The following TMPRSS3 variants were observed in gnomAD, a reference collection of about 807,000 sequenced individuals.
The protein encoded by TMPRSS3 is transmembrane serine protease 3.
TMPRSS3 carries 55 observed loss-of-function variants against 59.6 expected under a neutral mutation model. The ratio of observed to expected loss-of-function variants is 0.92; its 90% CI spans 0.74 to 1.16. The LOEUF is 1.16. TMPRSS3 is among the 50% of genes most tolerant of loss of function. TMPRSS3 has a pLI of 0.00. For missense variants in TMPRSS3, 596 were observed against 579.4 expected (o/e 1.03, Z -0.29); for synonymous variants, 257 against 237.7 (o/e 1.08, Z -0.75).
At chr21:42,376,344 C>T (rs185078977) in intron 11 of TMPRSS3, among the ~76,000 whole-genome samples, 197 bp downstream of exon 11, 126 of 152,360 alleles carry the variant, frequency 8.3e-4, no homozygotes, top group African/African-American at 2.9e-3. Flanking sequence ...CCTCCCACCA[C>T]CCAGCACCCA....
At chr21:42,390,228 C>T (rs948124570) in intron 2 of TMPRSS3, 191 bp from the exon 3 acceptor site, 7 of 616,034 alleles carry the variant, frequency 1.1e-5, no homozygotes, top group African/African-American at 3.7e-5. Flanking sequence ...ACCTGCTCCA[C>T]CTCTGACCCG....
At chr21:42,390,563 A>T (rs2052718988) in intron 2 of TMPRSS3, 1 of 172,422 alleles carries the variant, frequency 5.8e-6, no homozygotes, top group African/African-American at 2.4e-5. Context: ...CCCCATCTCT[A>T]TTAAAAATAC....
intron 10 of TMPRSS3, 45 bp downstream of exon 10, chr21:42,380,072 G>A: frequency 6.5e-7 from 1 of 1,529,908 alleles, no homozygotes; most frequent in Non-Finnish European, 9.0e-7. Flanking sequence ...CAGCCCTCTG[G>A]GTTCTGAGCC....
At chr21:42,391,290 C>T (rs1186753351) in intron 2 of TMPRSS3, among the ~76,000 whole-genome samples, 1 of 152,198 alleles carries the variant, frequency 6.6e-6, no homozygotes, top group African/African-American at 2.4e-5. Context: ...AAGTGATTCT[C>T]CCCACTTGGC....
rs4920100 is a variant in TMPRSS3 at position 42,395,475 on chromosome 21, C to G, written c.-51-7G>C. 38,400 of 1,404,954 alleles carry G rather than the reference C, an allele frequency of 0.027. 2,054 individuals are homozygous for G. Among genetic ancestry groups the G allele is most frequent in the Admixed American group, 0.22 (12,637 of 58,404 alleles). The allele number at this position is 1,404,954 out of a possible 1,614,324, so 87.0% of individuals were successfully genotyped here. A position where few individuals can be genotyped will look rare whatever the true frequency, so the allele number is the denominator to read the frequency against. ...CCGCCTCCACCTCTACCTCCTTAGC[C>G]GAGGAAGAACAGAAAGCATTTGTTC... On this transcript the variant is annotated splice_polypyrimidine_tract_variant and splice_region_variant and intron_variant, in intron 1 of 12. Transcript: ENST00000644384.
At chr21:42,379,627 A>T (rs536684069) in intron 10 of TMPRSS3, among the ~76,000 whole-genome samples, 1 of 152,306 alleles carries the variant, frequency 6.6e-6, no homozygotes, top group South Asian at 2.1e-4. Flanking sequence ...CTTCATTTGC[A>T]TGGACTATGG....
chr21:42,376,550 G>A lies in TMPRSS3; in HGVS notation c.1182C>T (p.Asp394=). 1.2e-6 allele frequency: 2 copies of A among 1,613,406 alleles called. No homozygotes were observed. The highest frequency in any genetic ancestry group is 1.1e-5 in the South Asian group (1 of 91,066). Reference sequence around the variant, plus strand: ...CGCTGCGGCCCCGTACCTGGCAGCTGTCCACGCCACCCGTCAGGTAGCCCG... The same window carrying A: ...CGCTGCGGCCCCGTACCTGGCAGCTATCCACGCCACCCGTCAGGTAGCCCG... ...LCAGYLTGGV[D]SCQGDSGGPL... Residue 394 remains aspartate (D), a synonymous_variant, in exon 11 of 13, where the codon GAC becomes GAT. Transcript: ENST00000644384.
At chr21:42,390,499 G>A (rs954905053) in intron 2 of TMPRSS3, 16 of 198,364 alleles carry the variant, frequency 8.1e-5, no homozygotes, top group Non-Finnish European at 1.5e-4. Flanking sequence ...AAGCCAAAGC[G>A]GGTGGATCAC....
chr21:42,372,567 C>CA lies in TMPRSS3; in HGVS notation c.*194dup. Reference sequence around the variant, plus strand: ...AGAGCGAGACTCCATCTCAAAAAAACAAAAAACAAAAAGCAGCTTGAAGGT... The same window carrying CA: ...AGAGCGAGACTCCATCTCAAAAAAACAAAAAAACAAAAAGCAGCTTGAAGGT... On this transcript the variant is annotated 3_prime_UTR_variant, in exon 13 of 13. Transcript: ENST00000644384. 2.7e-6 allele frequency: 2 copies of CA among 738,238 alleles called. No individual in the cohort carries two copies. Among genetic ancestry groups the CA allele is most frequent in the Non-Finnish European group, 2.5e-6 (1 of 402,972 alleles). The allele number at this position is 738,238 out of a possible 1,614,324, so 45.7% of individuals were successfully genotyped here.
chr21:42,389,986 A>G lies in TMPRSS3; in HGVS notation c.146T>C (p.Phe49Ser). Residue 49 changes from phenylalanine to serine, a missense_variant, in exon 3 of 13, where the codon TTT (phenylalanine) becomes TCT (serine). Coordinates refer to ENST00000644384, the MANE Select transcript of TMPRSS3 (RefSeq NM_001256317.3). ...QILSLLPLKFFPIIVIGIIAL... is the reference protein window; with the variant it reads ...QILSLLPLKFSPIIVIGIIAL... ...AATGATCCCAATGACGATGATTGGA[A>G]AAAACTTCAATGGCAGCAGTGACAG... 6.2e-7 allele frequency: 1 copy of G among 1,614,232 alleles called. No individual in the cohort carries two copies. Among genetic ancestry groups the G allele is most frequent in the Non-Finnish European group, 8.5e-7 (1 of 1,180,022 alleles).
chr21:42,385,071 C>CCCTCCCTTCCTTCCTTCCTCCCTCTCTT (rs1568885582), intron 6 of TMPRSS3, among the ~76,000 whole-genome samples: 1 of 49,984 alleles, frequency 2.0e-5, no homozygotes, highest in Non-Finnish European at 3.4e-5. Context: ...CTCCCTCCCT[C>CCCTCCCTTCCTTCCTTCCTCCCTCTCTT]CCTTCCTCTT....
intron 2 of TMPRSS3, among the ~76,000 whole-genome samples, 175 bp downstream of exon 2, chr21:42,395,149 C>T (rs1389723753): frequency 6.6e-6 from 1 of 152,178 alleles, no homozygotes; most frequent in African/African-American, 2.4e-5. Context: ...AAACGATCCC[C>T]TCTCCAATGC....
chr21:42,387,192 G>T (rs1447489469), intron 5 of TMPRSS3, among the ~76,000 whole-genome samples: 1 of 152,088 alleles, frequency 6.6e-6, no homozygotes, highest in Non-Finnish European at 1.5e-5. Context: ...GAGTTTTTCT[G>T]CATAACAGAG....
rs137853000 is a variant in TMPRSS3 at position 42,383,168 on chromosome 21, C to T, written c.647G>A (p.Arg216His). ...CAAGGACATGTTTCCACCCACGATGCGTGAGCTGTAGCCCCTTCTATGACC... is the reference window on the plus strand; with the variant it reads ...CAAGGACATGTTTCCACCCACGATGTGTGAGCTGTAGCCCCTTCTATGACC... The part of the protein sequence containing the change: ...ACGHRRGYSS[R>H]IVGGNMSLLS... The change falls in exon 8 of 13, where the codon CGC becomes CAC. Residue 216 changes from arginine to histidine, a missense_variant. By Grantham distance (29) the Arg-to-His change is conservative (BLOSUM62 0). Transcript: ENST00000644384. 60 of 1,614,060 alleles carry T rather than the reference C, an allele frequency of 3.7e-5. No homozygotes were observed. The highest frequency in any genetic ancestry group is 4.2e-5 in the Non-Finnish European group (49 of 1,180,024).
At chr21:42,385,070 T>TTCCTTCCTTCCTCCCTCTCTTCCTCCCC (rs2052609936) in intron 6 of TMPRSS3, among the ~76,000 whole-genome samples, 1 of 76,398 alleles carries the variant, frequency 1.3e-5, no homozygotes. Flanking sequence ...CCTCCCTCCC[T>TTCCTTCCTTCCTCCCTCTCTTCCTCCCC]CCCTTCCTCT....
intron 5 of TMPRSS3, among the ~76,000 whole-genome samples, chr21:42,387,061 G>A (rs759921307): frequency 1.3e-5 from 2 of 149,720 alleles, no homozygotes; most frequent in Non-Finnish European, 3.0e-5. Context: ...TTTACCAAAC[G>A]GGCTGGGGTG....
At position 42,372,429 on chromosome 21, in the gene TMPRSS3, G is replaced by A. The variant is rs534653513; in HGVS notation, c.*333C>T. On this transcript the variant is annotated 3_prime_UTR_variant, in exon 13 of 13. Transcript: ENST00000644384. ...ACAAAAATTAGTTGGGTGTGGTGGCGGGCACCTGTGGTCCCAGCTACTGGG... is the reference window on the plus strand; with the variant it reads ...ACAAAAATTAGTTGGGTGTGGTGGCAGGCACCTGTGGTCCCAGCTACTGGG... 1.0e-4 allele frequency: 52 copies of A among 517,848 alleles called. No homozygotes were observed. The highest frequency in any genetic ancestry group is 1.8e-4 in the Non-Finnish European group (48 of 269,490). 32.1% of individuals were successfully genotyped at this position (517,848 alleles called of 1,614,324 possible).
intron 9 of TMPRSS3, chr21:42,381,842 G>A: frequency 1.5e-6 from 1 of 687,940 alleles, no homozygotes; most frequent in South Asian, 1.6e-5. Flanking sequence ...CATTGTCCAG[G>A]ATACAATTGA....
chr21:42,386,014 G>A (rs141356792), intron 5 of TMPRSS3, among the ~76,000 whole-genome samples: 9 of 152,276 alleles, frequency 5.9e-5, no homozygotes, highest in Middle Eastern at 3.4e-3. Flanking sequence ...CAGGACCAGC[G>A]CAGAGCCCCA....
Sources: gnomAD v4.1 joint callset for allele counts (sites outside exome capture counted in the v4.1 genomes callset) on GRCh38, gnomAD v4.1.1 for gene constraint, MANE v1.5 for transcripts, NCBI Gene and HGNC (gene_info 2026-07-23, HGNC 2026-07-21) for gene names.